Variants in APELA observed in about 807,000 individuals in gnomAD.
The protein encoded by APELA is apelin receptor early endogenous ligand.
chr4:164,878,743 G>A (rs1730603535), intron 1 of APELA, among the ~76,000 whole-genome samples, 177 bp from the exon 2 acceptor site: 1 of 152,216 alleles, frequency 6.6e-6, no homozygotes, highest in African/African-American at 2.4e-5. Flanking sequence ...AACATTAACT[G>A]TTAGGAACAC....
rs540516120 is a variant in APELA, at chr4:164,882,134, A to ACTCATGT, written c.*1+3126_*1+3132dup. On this transcript the variant is annotated intron_variant, in intron 2 of 2. Coordinates refer to ENST00000507152, the MANE Select transcript of APELA (RefSeq NM_001297550.2). ...TTTTATTTTTTGAGACAGAGTTTTC[A>ACTCATGT]CTCATGTTGCCCAGGCTGGAGTGCA... Among the ~76,000 whole-genome samples the ACTCATGT allele has an allele frequency of 1.8e-4, 28 of 151,462 alleles. No homozygotes were observed. In the East Asian group the frequency reaches 4.5e-3, roughly 24 times the overall value.
rs1255184090 is a variant in APELA, at chr4:164,895,699, CATT to C, written c.*292_*294del. On this transcript the variant is annotated 3_prime_UTR_variant, in exon 3 of 3. Transcript: ENST00000507152. ...CAAAAATATCTCATCTTTTCCTGCACATTATTATTCTTTTATGGGTTAAAAAGA... is the reference window on the plus strand; with the variant it reads ...CAAAAATATCTCATCTTTTCCTGCACATTATTCTTTTATGGGTTAAAAAGA... 1 of 152,166 alleles carries C rather than the reference CATT, an allele frequency of 6.6e-6. No homozygotes were observed. Among genetic ancestry groups the C allele is most frequent in the Non-Finnish European group, 1.5e-5 (1 of 68,036 alleles). The allele number at this position is 152,166 out of a possible 1,614,324, so 9.4% of individuals were successfully genotyped here. A position where few individuals can be genotyped will look rare whatever the true frequency, so the allele number is the denominator to read the frequency against.
chr4:164,883,600 C>T (rs1478500876), intron 2 of APELA, among the ~76,000 whole-genome samples: 1 of 151,054 alleles, frequency 6.6e-6, no homozygotes, highest in African/African-American at 2.4e-5. Context: ...TATCCTCCTG[C>T]CTCAGCCTTC....
chr4:164,883,000 T>C (rs1309061644), intron 2 of APELA, among the ~76,000 whole-genome samples: 9 of 152,236 alleles, frequency 5.9e-5, no homozygotes, highest in Admixed American at 5.9e-4. Context: ...TACTCTCTTG[T>C]CACCCTCACT....
intron 2 of APELA, among the ~76,000 whole-genome samples, chr4:164,893,356 G>A (rs1214297951): frequency 6.6e-6 from 1 of 152,004 alleles, no homozygotes; most frequent in African/African-American, 2.4e-5. Context: ...TGGTTGTTTA[G>A]GAGTGTGTTG....
chr4:164,891,042 A>G (rs1285487200), intron 2 of APELA, among the ~76,000 whole-genome samples: 1 of 152,138 alleles, frequency 6.6e-6, no homozygotes, highest in Non-Finnish European at 1.5e-5. Context: ...GGCTATTCAA[A>G]TCCTTTGCCC....
intron 2 of APELA, among the ~76,000 whole-genome samples, chr4:164,880,898 A>G (rs1174258259): frequency 6.6e-6 from 1 of 152,208 alleles, no homozygotes; most frequent in Non-Finnish European, 1.5e-5. Flanking sequence ...ACTCTTTACA[A>G]AAGTTGGCTG....
At chr4:164,886,904 C>T (rs896943102) in intron 2 of APELA, among the ~76,000 whole-genome samples, 2 of 151,896 alleles carry the variant, frequency 1.3e-5, no homozygotes, top group Admixed American at 6.6e-5. Context: ...CGGCTCACTG[C>T]ACCCTCCACC....
chr4:164,878,427 C>T (rs1369982232), intron 1 of APELA, among the ~76,000 whole-genome samples: 4 of 152,080 alleles, frequency 2.6e-5, no homozygotes, highest in Non-Finnish European at 5.9e-5. Context: ...CGAATGATGT[C>T]CCCTGGTCTG....
rs559485230 is a variant in APELA, at chr4:164,879,535, C to T, written c.*1+526C>T. 2.8e-4 allele frequency among the ~76,000 whole-genome samples: 42 copies of T among 152,256 alleles called. No homozygotes were observed. The South Asian group carries it at 8.7e-3, about 32-fold the overall frequency. ...TCCCAGCTCATTGCAGCCTCAACCT[C>T]CCGGGCTCAAGTGATCCTCCCACCT... is the stretch of plus-strand genomic sequence containing the variant. On this transcript the variant is annotated intron_variant, in intron 2 of 2. Coordinates refer to ENST00000507152, the MANE Select transcript of APELA (RefSeq NM_001297550.2).
chr4:164,882,185 C>T (rs116498690), intron 2 of APELA, among the ~76,000 whole-genome samples: 1,827 of 152,198 alleles, frequency 0.012, 30 homozygotes, highest in African/African-American at 0.035. Context: ...CTCACCGGAG[C>T]CTCCACCTTC....
intron 2 of APELA, among the ~76,000 whole-genome samples, chr4:164,883,767 T>A (rs1211349092): frequency 1.3e-5 from 2 of 151,948 alleles, no homozygotes; most frequent in Non-Finnish European, 2.9e-5. Flanking sequence ...ATTACAGGCA[T>A]GAGCCACTGT....
intron 2 of APELA, among the ~76,000 whole-genome samples, chr4:164,881,589 T>G (rs1730655256): frequency 6.6e-6 from 1 of 151,268 alleles, no homozygotes; most frequent in Non-Finnish European, 1.5e-5. Context: ...TGATTTAGAG[T>G]GAAGGAGAGC....
chr4:164,883,435 C>T (rs1233290353), intron 2 of APELA, among the ~76,000 whole-genome samples: 1 of 151,826 alleles, frequency 6.6e-6, no homozygotes, highest in Non-Finnish European at 1.5e-5. Flanking sequence ...CCTCAAACTA[C>T]AGACATCTAC....
At chr4:164,891,402 T>G (rs979256542) in intron 2 of APELA, among the ~76,000 whole-genome samples, 10 of 152,184 alleles carry the variant, frequency 6.6e-5, no homozygotes, top group African/African-American at 2.4e-4. Context: ...TAACAAGTAT[T>G]GCCATTTTGA....
intron 2 of APELA, among the ~76,000 whole-genome samples, chr4:164,894,002 T>G (rs1579113529): frequency 6.6e-6 from 1 of 152,088 alleles, no homozygotes; most frequent in East Asian, 1.9e-4. Context: ...AATAAGAATA[T>G]TGTGCAGTAT....
At chr4:164,894,545 T>C (rs1730938262) in intron 2 of APELA, among the ~76,000 whole-genome samples, 1 of 151,988 alleles carries the variant, frequency 6.6e-6, no homozygotes, top group African/African-American at 2.4e-5. Flanking sequence ...GCGGGGAATA[T>C]AGGCATGCAC....
intron 2 of APELA, among the ~76,000 whole-genome samples, chr4:164,893,566 G>T (rs937380095): frequency 1.3e-5 from 2 of 151,930 alleles, no homozygotes; most frequent in Admixed American, 1.3e-4. Flanking sequence ...GTCATTCTTT[G>T]TCTCTAGTAA....
At position 164,896,292 on chromosome 4, in the gene APELA, T is replaced by C. The variant is rs1224985054; in HGVS notation, c.*878T>C. On this transcript the variant is annotated 3_prime_UTR_variant, in exon 3 of 3. Coordinates refer to ENST00000507152, the MANE Select transcript of APELA (RefSeq NM_001297550.2). ...TTGTATTTTTTGTAGAGATGAGGTT[T>C]TACCCTGTTGCCCAGGCTGGTCTTG... 1 of 152,224 alleles carries C rather than the reference T, an allele frequency of 6.6e-6. No homozygotes were observed. Among genetic ancestry groups the C allele is most frequent in the Non-Finnish European group, 1.5e-5 (1 of 68,048 alleles). 9.4% of individuals were successfully genotyped at this position (152,224 alleles called of 1,614,324 possible). A position where few individuals can be genotyped will look rare whatever the true frequency, so the allele number is the denominator to read the frequency against.
Sources: gnomAD v4.1 joint callset for allele counts (sites outside exome capture counted in the v4.1 genomes callset) on GRCh38, gnomAD v4.1.1 for gene constraint, MANE v1.5 for transcripts, NCBI Gene and HGNC (gene_info 2026-07-23, HGNC 2026-07-21) for gene names.